R3HCC1: variants seen among roughly 807,000 people sequenced by gnomAD.
The protein encoded by R3HCC1 is R3H domain and coiled-coil containing 1, also known as R3H and coiled-coil domain-containing protein 1.
A neutral mutation model predicts 40.0 loss-of-function variants in R3HCC1; 32 were observed. The observed-to-expected ratio is 0.80, with a 90% confidence interval of 0.60 to 1.07. R3HCC1 has a LOEUF of 1.07. Among genes scored for constraint, R3HCC1 ranks in the 50% least tolerant of loss-of-function variants. The probability of loss-of-function intolerance (pLI) is 0.00; values close to 1 mark genes in which losing one functional copy is unlikely to be tolerated. For synonymous variants in R3HCC1, 237 were observed against 232.8 expected, an observed-to-expected ratio of 1.02 and a Z score of -0.17; for missense variants, 586 against 563.3, an observed-to-expected ratio of 1.04 and a Z score of -0.41.
In R3HCC1 at chr8:23,294,897, C is replaced by CTGTG. The variant is rs137952235; in HGVS notation, c.1192+46_1192+49dup. Reference sequence around the variant, plus strand: ...AAGCGCATGTCCCTGAATAGGGAGGCTGTGTGTGTGTGTGTGCGTGCGAGC... The same window carrying CTGTG: ...AAGCGCATGTCCCTGAATAGGGAGGCTGTGTGTGTGTGTGTGTGTGCGTGCGAGC... On this transcript the variant is annotated intron_variant, in intron 7 of 7. Coordinates refer to ENST00000265806, the MANE Select transcript of R3HCC1 (RefSeq NM_001136108.3). 135 of 1,374,704 alleles carry CTGTG rather than the reference C, an allele frequency of 9.8e-5. 1 individual carries two copies. Among genetic ancestry groups the CTGTG allele is most frequent in the Middle Eastern group, 8.9e-4 (5 of 5,592 alleles). 85.2% of individuals were successfully genotyped at this position (1,374,704 alleles called of 1,614,324 possible).
chr8:23,295,582 T>A (rs1802991757), intron 7 of R3HCC1: 1 of 460,504 alleles, frequency 2.2e-6, no homozygotes, highest in Non-Finnish European at 4.3e-6. Context: ...GTAGCCAACA[T>A]GGTCCAGGGT....
intron 7 of R3HCC1, 42 bp from the exon 8 acceptor site, chr8:23,295,925 C>A: frequency 6.6e-7 from 1 of 1,516,726 alleles, no homozygotes; most frequent in East Asian, 2.5e-5. Context: ...GAGGCAGCCA[C>A]GACCTTGTGT....
chr8:23,288,600 T>C lies in R3HCC1; in HGVS notation c.77T>C (p.Leu26Pro). Residue 26 changes from leucine (L) to proline (P), a missense_variant, in exon 2 of 8, where the codon CTG (leucine) becomes CCG (proline). By Grantham distance (98) the Leu-to-Pro change is moderately conservative (BLOSUM62 -3). Coordinates refer to ENST00000265806, the MANE Select transcript of R3HCC1 (RefSeq NM_001136108.3). ...TTCGTCCACCGGATCCAGGAGGAACTGGACCGCTTTCTGCTGCAGAAGCAG... is the reference window on the plus strand; with the variant it reads ...TTCGTCCACCGGATCCAGGAGGAACCGGACCGCTTTCTGCTGCAGAAGCAG... 1 of 1,536,046 alleles carries C rather than the reference T, an allele frequency of 6.5e-7. No individual in the cohort carries two copies. The highest frequency in any genetic ancestry group is 8.7e-7 in the Non-Finnish European group (1 of 1,146,882).
At chr8:23,291,325 C>G in intron 4 of R3HCC1, 36 bp from the exon 5 acceptor site, 1 of 1,537,266 alleles carries the variant, frequency 6.5e-7, no homozygotes, top group Non-Finnish European at 8.8e-7. Context: ...CTCTGCGTGT[C>G]CAAGCTCCCC....
intron 1 of R3HCC1, 121 bp downstream of exon 1, chr8:23,288,278 G>T: frequency 8.8e-7 from 1 of 1,130,794 alleles, no homozygotes; most frequent in Non-Finnish European, 1.2e-6. Flanking sequence ...AGCGCAGGGT[G>T]TGGAGCCACC....
intron 1 of R3HCC1, 153 bp downstream of exon 1, chr8:23,288,310 G>T: frequency 9.0e-7 from 1 of 1,112,186 alleles, no homozygotes. Flanking sequence ...ACCGCAGGCG[G>T]GGACGAGAGC....
At chr8:23,293,007 GTC>G (rs907111908) in intron 5 of R3HCC1, among the ~76,000 whole-genome samples, 1 of 152,214 alleles carries the variant, frequency 6.6e-6, no homozygotes, top group Non-Finnish European at 1.5e-5. Context: ...CTGGTGAAGA[GTC>G]TCTTCCTCCT....
chr8:23,294,903 G>GTGTGTGTGTGCGTGCGAGCA, intron 7 of R3HCC1, 39 bp downstream of exon 7: 1 of 1,401,648 alleles, frequency 7.1e-7, no homozygotes, highest in East Asian at 2.5e-5. Flanking sequence ...GAGGCTGTGT[G>GTGTGTGTGTGCGTGCGAGCA]TGTGTGTGTG....
chr8:23,288,913 G>A (rs1047616314), intron 2 of R3HCC1, 103 bp from the exon 3 acceptor site: 8 of 1,324,316 alleles, frequency 6.0e-6, no homozygotes, highest in South Asian at 1.4e-5. Flanking sequence ...GACCCAGAGG[G>A]GCAGAAGGGA....
At position 23,290,239 on chromosome 8, in the gene R3HCC1, C is replaced by T; in HGVS notation, c.622C>T (p.Leu208=). ...ACAAAGGTGTGAGAATGAGCCACTG[C>T]TGGACCCTGTTGGCCCTGAGCCTCT... Residue 208 remains leucine, a synonymous_variant, in exon 4 of 8, where the codon CTG becomes TTG. Transcript: ENST00000265806. 2 of 1,551,756 alleles carry T rather than the reference C, an allele frequency of 1.3e-6. No individual in the cohort carries two copies. Among genetic ancestry groups the T allele is most frequent in the Non-Finnish European group, 8.7e-7 (1 of 1,147,008 alleles).
intron 2 of R3HCC1, among the ~76,000 whole-genome samples, 173 bp downstream of exon 2, chr8:23,288,806 C>T (rs893831067): frequency 6.6e-6 from 1 of 152,156 alleles, no homozygotes. Flanking sequence ...GAGCATCACC[C>T]CCAGACTGAT....
Position 23,289,096 on chromosome 8 carries a change from G to T in R3HCC1, c.191G>T (p.Ser64Ile). 6.5e-7 allele frequency: 1 copy of T among 1,536,456 alleles called. No individual in the cohort carries two copies. Among genetic ancestry groups the T allele is most frequent in the Non-Finnish European group, 8.7e-7 (1 of 1,146,972 alleles). The change falls in exon 3 of 8, where the codon AGC (serine) becomes ATC (isoleucine). Residue 64 changes from serine (S) to isoleucine (I), a missense_variant. Coordinates refer to ENST00000265806, the MANE Select transcript of R3HCC1 (RefSeq NM_001136108.3). The stretch of plus-strand genomic sequence containing the variant: ...GCAGAGAATTTTGATCTCTTGAGCA[G>T]CTTCTCCGTTGGGGAGGGCTGGAAG...
In R3HCC1 at chr8:23,290,034, G is replaced by T. The variant is rs758180548; in HGVS notation, c.417G>T (p.Val139=). 1.6e-4 allele frequency: 253 copies of T among 1,542,256 alleles called. 1 individual carries two copies. The highest frequency in any genetic ancestry group is 5.3e-5 in the Non-Finnish European group (61 of 1,146,928). The stretch of plus-strand genomic sequence containing the variant: ...GCAAGCCTGACCAGCCTTTGTATGT[G>T]CCCCGGGTGCTGCGCAGGCAGGAAG... Residue 139 remains valine, a synonymous_variant, in exon 4 of 8, where the codon GTG becomes GTT. Transcript: ENST00000265806.
chr8:23,290,296 A>G lies in R3HCC1; in HGVS notation c.679A>G (p.Met227Val). 2 of 1,551,758 alleles carry G rather than the reference A, an allele frequency of 1.3e-6. No individual in the cohort carries two copies. Among genetic ancestry groups the G allele is most frequent in the Non-Finnish European group, 1.7e-6 (2 of 1,146,998 alleles). Residue 227 changes from methionine to valine, a missense_variant, in exon 4 of 8, where the codon ATG becomes GTG. By Grantham distance (21) the Met-to-Val change is conservative. Transcript: ENST00000265806. ...TGAGAGTCAGTCAGGGAAGGGAGAC[A>G]TGGTGGAGATGGCCACACGGTTTGG...
intron 1 of R3HCC1, 62 bp downstream of exon 1, chr8:23,288,219 G>A: frequency 8.3e-7 from 1 of 1,205,718 alleles, no homozygotes; most frequent in South Asian, 1.6e-5. Flanking sequence ...GTGGGAAGGA[G>A]CAGCTGGGCT....
rs1272280244 is a variant in R3HCC1 at position 23,294,740 on chromosome 8, G to A, written c.1097-29G>A. The A allele has an allele frequency of 5.9e-6, 9 of 1,528,278 alleles. 1 individual carries two copies. In the African/African-American group the frequency reaches 1.1e-4, roughly 19 times the overall value. 94.7% of individuals were successfully genotyped at this position (1,528,278 alleles called of 1,614,324 possible). ...GCCGCGGGGTCCTGAGGAGGAGGGA[G>A]TGGCTCCACGCCTGCTTTCTTTCCA... On this transcript the variant is annotated intron_variant, in intron 6 of 7. Coordinates refer to ENST00000265806, the MANE Select transcript of R3HCC1 (RefSeq NM_001136108.3).
chr8:23,290,211 A>C lies in R3HCC1; in HGVS notation c.594A>C (p.Pro198=). Residue 198 remains proline, a synonymous_variant, in exon 4 of 8, where the codon CCA becomes CCC. Transcript: ENST00000265806. ...AGGGAACAGAGGACCTAAAGGGCCC[A>C]GGACAAAGGTGTGAGAATGAGCCAC... 1 of 1,551,774 alleles carries C rather than the reference A, an allele frequency of 6.4e-7. No individual in the cohort carries two copies. The highest frequency in any genetic ancestry group is 8.7e-7 in the Non-Finnish European group (1 of 1,147,002).
chr8:23,288,152 G>C lies in R3HCC1; in HGVS notation c.-24G>C, dbSNP rs781382371. ...GAGGGCGGCTGCGACGCGCCGAGAG[G>C]CCGCGGTGAGTGCAGCAGCACTGGG... On this transcript the variant is annotated 5_prime_UTR_variant, in exon 1 of 8. Coordinates refer to ENST00000265806, the MANE Select transcript of R3HCC1 (RefSeq NM_001136108.3). The C allele has an allele frequency of 2.4e-6, 3 of 1,248,790 alleles. No homozygotes were observed. Among genetic ancestry groups the C allele is most frequent in the Admixed American group, 5.6e-5 (2 of 35,866 alleles). The allele number at this position is 1,248,790 out of a possible 1,614,324, so 77.4% of individuals were successfully genotyped here. A position where few individuals can be genotyped will look rare whatever the true frequency, so the allele number is the denominator to read the frequency against.
At chr8:23,291,890 C>G (rs563116585) in intron 5 of R3HCC1, among the ~76,000 whole-genome samples, 1 of 152,318 alleles carries the variant, frequency 6.6e-6, no homozygotes, top group South Asian at 2.1e-4. Context: ...GTGTCTCCAG[C>G]AGGCTACGGG....
Sources: allele counts gnomAD v4.1 joint callset (sites outside exome capture counted in the v4.1 genomes callset), GRCh38; gene constraint gnomAD v4.1.1; transcripts MANE v1.5; gene names NCBI Gene and HGNC (gene_info 2026-07-23, HGNC 2026-07-21).